COA1: variants seen among roughly 807,000 people sequenced by gnomAD.
COA1 encodes cytochrome c oxidase assembly factor 1, also known as cytochrome c oxidase assembly factor 1 homolog.
In COA1, 13 loss-of-function variants were observed where a neutral mutation model predicts 16.0. The observed-to-expected ratio is 0.81, with a 90% CI of 0.53 to 1.29. The LOEUF (loss-of-function observed/expected upper bound fraction) is 1.29. Ranked by LOEUF, COA1 falls within the 50% of genes most tolerant of loss-of-function variation. The pLI is 0.00. For synonymous variants in COA1, 65 were observed against 65.7 expected (o/e 0.99, Z 0.05); for missense variants, 179 against 177.0 (o/e 1.01, Z -0.06).
intron 1 of COA1, among the ~76,000 whole-genome samples, chr7:43,662,600 CTA>C (rs1173213057): frequency 2.6e-5 from 4 of 152,336 alleles, no homozygotes. Context: ...CATCTGTCTT[CTA>C]TCAAGCCAGA....
chr7:43,702,843 T>C (rs952795912), intron 1 of COA1, among the ~76,000 whole-genome samples: 7 of 152,220 alleles, frequency 4.6e-5, no homozygotes, highest in Non-Finnish European at 7.3e-5. Context: ...TTTTCATGTC[T>C]CAATCAGTTC....
chr7:43,700,617 TGTTA>T lies in COA1; in HGVS notation c.-39+28808_-39+28811del, dbSNP rs1291387873. On this transcript the variant is annotated intron_variant, in intron 1 of 5. Transcript: ENST00000223336. ...GTGTGTGTGTGTGTGTGTGTGTGTGTGTTAGAGTAAGGTACCTAAATAGCTACTT... is the reference window on the plus strand; with the variant it reads ...GTGTGTGTGTGTGTGTGTGTGTGTGTGAGTAAGGTACCTAAATAGCTACTT... Among the ~76,000 whole-genome samples, 18 of 151,628 alleles carry T rather than the reference TGTTA, an allele frequency of 1.2e-4. No homozygotes were observed. The South Asian group carries it at 3.1e-3, about 26-fold the overall frequency.
chr7:43,717,912 G>A (rs1218632620), intron 1 of COA1, among the ~76,000 whole-genome samples: 1 of 152,042 alleles, frequency 6.6e-6, no homozygotes, highest in East Asian at 1.9e-4. Flanking sequence ...TTCTCTCTTT[G>A]CCTGCTGCCA....
At chr7:43,662,159 A>G (rs1163292952) in intron 1 of COA1, among the ~76,000 whole-genome samples, 1 of 152,260 alleles carries the variant, frequency 6.6e-6, no homozygotes, top group Non-Finnish European at 1.5e-5. Flanking sequence ...AAGGCTATTA[A>G]CATGAAAAAG....
chr7:43,729,084 T>C (rs1289525516), intron 1 of COA1, among the ~76,000 whole-genome samples: 1 of 152,206 alleles, frequency 6.6e-6, no homozygotes, highest in East Asian at 1.9e-4. Context: ...GTGTTGAAAT[T>C]TAGCACTACC....
At chr7:43,617,766 C>G (rs1013552151) in intron 6 of COA1, among the ~76,000 whole-genome samples, 1 of 152,090 alleles carries the variant, frequency 6.6e-6, no homozygotes, top group African/African-American at 2.4e-5. Context: ...ATCATGCAAG[C>G]TGAGAGTTTG....
At chr7:43,690,463 A>G (rs1258455492) in intron 1 of COA1, among the ~76,000 whole-genome samples, 1 of 151,960 alleles carries the variant, frequency 6.6e-6, no homozygotes, top group Non-Finnish European at 1.5e-5. Context: ...ACACACACAT[A>G]TATGTATATA....
intron 1 of COA1, among the ~76,000 whole-genome samples, chr7:43,722,780 T>G (rs2095536458): frequency 6.6e-6 from 1 of 152,202 alleles, no homozygotes; most frequent in Non-Finnish European, 1.5e-5. Context: ...GTGCTTGGCA[T>G]CTATGTAATC....
intron 1 of COA1, among the ~76,000 whole-genome samples, chr7:43,680,032 A>G (rs2093694634): frequency 6.6e-6 from 1 of 152,194 alleles, no homozygotes; most frequent in Non-Finnish European, 1.5e-5. Flanking sequence ...GATAATAAAT[A>G]ATGGAAAGAC....
intron 1 of COA1, among the ~76,000 whole-genome samples, chr7:43,665,492 A>G (rs555928156): frequency 6.6e-6 from 1 of 152,344 alleles, no homozygotes; most frequent in Non-Finnish European, 1.5e-5. Context: ...ACTTTTCAGG[A>G]AAAAGTACAA....
intron 6 of COA1, chr7:43,625,868 A>T (rs1219521874): frequency 6.6e-6 from 1 of 152,206 alleles, no homozygotes; most frequent in Non-Finnish European, 1.5e-5. Flanking sequence ...CAAAATATTT[A>T]TAAACATTTA....
chr7:43,675,492 C>T lies in COA1; in HGVS notation c.-38-26840G>A, dbSNP rs529770454. On this transcript the variant is annotated intron_variant, in intron 1 of 5. Transcript: ENST00000223336. ...GGAGGGATAGCATTAGGAGATATAC[C>T]TAATGCTAAATGACGAGTTAATGGG... is the stretch of plus-strand genomic sequence containing the variant. Among the ~76,000 whole-genome samples, 7 of 98,000 alleles carry T rather than the reference C, an allele frequency of 7.1e-5. No individual in the cohort carries two copies. The East Asian group carries it at 1.8e-3, about 25-fold the overall frequency. The allele number at this position is 98,000 out of a possible 152,430, so 64.3% of individuals were successfully genotyped here.
intron 1 of COA1, among the ~76,000 whole-genome samples, chr7:43,660,966 C>T (rs996183093): frequency 2.0e-5 from 3 of 152,168 alleles, no homozygotes; most frequent in African/African-American, 4.8e-5. Flanking sequence ...TAAATCCCAA[C>T]CACCCTCCTG....
chr7:43,659,293 C>T (rs1016639644), intron 1 of COA1: 1 of 152,202 alleles, frequency 6.6e-6, no homozygotes, highest in African/African-American at 2.4e-5. Context: ...AACCTCCTTA[C>T]AAAAAACTTG....
chr7:43,620,895 G>T (rs1345542802), intron 6 of COA1, among the ~76,000 whole-genome samples: 4 of 152,158 alleles, frequency 2.6e-5, no homozygotes, highest in Non-Finnish European at 4.4e-5. Context: ...GAATGGAGAA[G>T]GCTGTGGCCT....
chr7:43,662,018 T>G (rs34966516), intron 1 of COA1, among the ~76,000 whole-genome samples: 22,360 of 152,234 alleles, frequency 0.15, 2,192 homozygotes, highest in Non-Finnish European at 0.21. Flanking sequence ...CAAGAGAAAT[T>G]AATTTTAATG....
At chr7:43,662,872 C>T (rs1044409698) in intron 1 of COA1, among the ~76,000 whole-genome samples, 2 of 152,180 alleles carry the variant, frequency 1.3e-5, no homozygotes, top group African/African-American at 4.8e-5. Context: ...CCCAAGGTCT[C>T]AAAACTCAGG....
intron 4 of COA1, among the ~76,000 whole-genome samples, chr7:43,644,870 C>T (rs1463660940): frequency 1.3e-5 from 2 of 149,216 alleles, no homozygotes; most frequent in African/African-American, 2.5e-5. Flanking sequence ...TGGTTTCAAA[C>T]CCCAGGGCTC....
intron 1 of COA1, among the ~76,000 whole-genome samples, chr7:43,713,006 T>C (rs1323217138): frequency 1.3e-5 from 2 of 152,206 alleles, no homozygotes; most frequent in Non-Finnish European, 2.9e-5. Flanking sequence ...CAAGCTGGAG[T>C]GCAGTGGCGT....
Sources: allele counts gnomAD v4.1 joint callset (sites outside exome capture counted in the v4.1 genomes callset), GRCh38; gene constraint gnomAD v4.1.1; transcripts MANE v1.5; gene names NCBI Gene and HGNC (gene_info 2026-07-23, HGNC 2026-07-21).